Variants in PKIB observed in about 807,000 individuals in gnomAD.
The protein encoded by PKIB is cAMP-dependent protein kinase inhibitor beta, also known as PKI-beta.
In PKIB, 2 loss-of-function variants were observed where a neutral mutation model predicts 4.5. The ratio of observed to expected loss-of-function variants is 0.44; its 90% CI spans 0.18 to 1.39. The LOEUF is 1.39. PKIB is among the 40% of genes most tolerant of loss of function. The pLI is 0.27. For missense variants in PKIB, 94 were observed against 92.6 expected, an observed-to-expected ratio of 1.02 and a Z score of -0.06; for synonymous variants, 38 against 36.0, an observed-to-expected ratio of 1.06 and a Z score of -0.20.
intron 3 of PKIB, among the ~76,000 whole-genome samples, chr6:122,703,941 TAGAGAGAGAGAG>T (rs71021419): frequency 1.1e-3 from 102 of 90,768 alleles, no homozygotes; most frequent in African/African-American, 1.8e-3. Context: ...TATATATATA[TAGAGAGAGAGAG>T]AGAGAGAGAG....
intron 3 of PKIB, among the ~76,000 whole-genome samples, chr6:122,598,087 AT>A (rs1321647894): frequency 1.3e-5 from 2 of 152,136 alleles, no homozygotes; most frequent in African/African-American, 4.8e-5. Context: ...CACTGCATAA[AT>A]TGTTGGCAAT....
intron 2 of PKIB, among the ~76,000 whole-genome samples, chr6:122,639,594 G>A (rs749368246): frequency 6.6e-6 from 1 of 152,156 alleles, no homozygotes; most frequent in Non-Finnish European, 1.5e-5. Context: ...AGTGTGAGGA[G>A]ACCCAAAAGG....
At chr6:122,700,523 A>G (rs1204426793) in intron 3 of PKIB, among the ~76,000 whole-genome samples, 1 of 152,170 alleles carries the variant, frequency 6.6e-6, no homozygotes, top group Admixed American at 6.5e-5. Flanking sequence ...CTATAACCTC[A>G]AGGATTAGGA....
At chr6:122,477,417 T>A (rs926036088) in intron 1 of PKIB, among the ~76,000 whole-genome samples, 2 of 152,220 alleles carry the variant, frequency 1.3e-5, no homozygotes, top group African/African-American at 4.8e-5. Context: ...TATATAAAAA[T>A]CAGATATGAG....
At chr6:122,572,664 AC>A (rs958176631) in intron 2 of PKIB, among the ~76,000 whole-genome samples, 12 of 151,750 alleles carry the variant, frequency 7.9e-5, no homozygotes, top group Admixed American at 1.3e-4. Context: ...AAAAAAAAAA[AC>A]GATAAATGAA....
At chr6:122,529,247 T>C (rs1053663666) in intron 2 of PKIB, among the ~76,000 whole-genome samples, 28 of 152,324 alleles carry the variant, frequency 1.8e-4, no homozygotes, top group Admixed American at 7.2e-4. Context: ...GTGGTTTTCA[T>C]TGCAATTACG....
chr6:122,538,341 G>A (rs768856206), intron 2 of PKIB, among the ~76,000 whole-genome samples: 3 of 152,148 alleles, frequency 2.0e-5, no homozygotes, highest in Middle Eastern at 3.4e-3. Context: ...AATCCATCTT[G>A]AATTAATTTT....
chr6:122,539,870 G>A (rs758080687), intron 2 of PKIB, among the ~76,000 whole-genome samples: 1 of 151,998 alleles, frequency 6.6e-6, no homozygotes, highest in South Asian at 2.1e-4. Context: ...CCTGTTATTG[G>A]TCTATTCAGA....
At chr6:122,643,769 C>T (rs1776206372) in intron 2 of PKIB, 1 of 151,860 alleles carries the variant, frequency 6.6e-6, no homozygotes, top group Non-Finnish European at 1.5e-5. Flanking sequence ...TTTTAAAACA[C>T]AACATTAAAA....
At chr6:122,690,431 T>A (rs1281709996) in intron 3 of PKIB, among the ~76,000 whole-genome samples, 2 of 152,118 alleles carry the variant, frequency 1.3e-5, no homozygotes, top group Admixed American at 1.3e-4. Context: ...GATTTCAGGT[T>A]ACCATGAGGA....
chr6:122,480,395 C>T (rs1448725657), intron 2 of PKIB: 2 of 152,094 alleles, frequency 1.3e-5, no homozygotes, highest in South Asian at 2.1e-4. Context: ...TATCCAATAA[C>T]GAATGCACTA....
chr6:122,516,358 G>T (rs1776753278), intron 2 of PKIB, among the ~76,000 whole-genome samples: 1 of 152,256 alleles, frequency 6.6e-6, no homozygotes, highest in Non-Finnish European at 1.5e-5. Context: ...AGACCTAAAG[G>T]TAAATCAAAG....
At chr6:122,669,522 C>G (rs899495497) in intron 2 of PKIB, among the ~76,000 whole-genome samples, 4 of 152,030 alleles carry the variant, frequency 2.6e-5, no homozygotes. Flanking sequence ...TGAGAATACC[C>G]CATCATTCAG....
At chr6:122,723,767 T>C (rs1041685296) in intron 4 of PKIB, among the ~76,000 whole-genome samples, 4 of 152,206 alleles carry the variant, frequency 2.6e-5, no homozygotes, top group Non-Finnish European at 5.9e-5. Context: ...CAGTGAGGCA[T>C]TCCCAGCTAA....
intron 2 of PKIB, among the ~76,000 whole-genome samples, chr6:122,538,994 G>A (rs1053675522): frequency 7.9e-5 from 12 of 151,970 alleles, no homozygotes; most frequent in Admixed American, 7.2e-4. Context: ...TCTGTTATTG[G>A]TGTATAAGAA....
intron 2 of PKIB, among the ~76,000 whole-genome samples, chr6:122,520,659 G>A (rs1269380319): frequency 1.6e-5 from 1 of 63,130 alleles, no homozygotes; most frequent in Admixed American, 1.8e-4. Context: ...GAAAGTTTAT[G>A]TTCCCACCCC....
At chr6:122,597,067 GA>G (rs1196327416) in intron 3 of PKIB, among the ~76,000 whole-genome samples, 2 of 152,088 alleles carry the variant, frequency 1.3e-5, no homozygotes, top group African/African-American at 4.8e-5. Flanking sequence ...CACACCACTG[GA>G]CCCCTAGAAA....
At chr6:122,593,343 A>G (rs1408720858) in intron 3 of PKIB, among the ~76,000 whole-genome samples, 1 of 152,212 alleles carries the variant, frequency 6.6e-6, no homozygotes, top group African/African-American at 2.4e-5. Context: ...ACAAATTTAT[A>G]TAGACTGTTT....
intron 1 of PKIB, among the ~76,000 whole-genome samples, chr6:122,628,634 G>A (rs1047674372): frequency 1.3e-5 from 2 of 152,110 alleles, no homozygotes; most frequent in Non-Finnish European, 2.9e-5. Context: ...ACAATTTCTG[G>A]TTTCTTATAT....
Sources: allele counts gnomAD v4.1 joint callset (sites outside exome capture counted in the v4.1 genomes callset), GRCh38; gene constraint gnomAD v4.1.1; transcripts MANE v1.5; gene names NCBI Gene and HGNC (gene_info 2026-07-23, HGNC 2026-07-21).